The following PTPRM variants were observed in gnomAD, a reference collection of about 807,000 sequenced individuals.
PTPRM encodes protein tyrosine phosphatase receptor type M.
In PTPRM, 47 loss-of-function variants were observed where a neutral mutation model predicts 186.7. The ratio of observed to expected loss-of-function variants is 0.25; its 90% confidence interval spans 0.20 to 0.32. The LOEUF is 0.32. Among genes scored for constraint, PTPRM ranks in the 10% least tolerant of loss-of-function variants. The pLI, the probability that PTPRM is intolerant of heterozygous loss-of-function variation, is 1.00. For synonymous variants in PTPRM, 668 were observed against 674.9 expected (o/e 0.99, Z 0.16); for missense variants, 1,494 against 1,865.0 (o/e 0.80, Z 3.66).
intron 2 of PTPRM, among the ~76,000 whole-genome samples, chr18:7,871,156 C>T (rs1477370524): frequency 2.6e-5 from 4 of 152,196 alleles, no homozygotes; most frequent in Non-Finnish European, 5.9e-5. Flanking sequence ...TGCTGTTCCT[C>T]CTGTGGTTAA....
intron 13 of PTPRM, among the ~76,000 whole-genome samples, chr18:8,119,754 A>G (rs377163268): frequency 2.0e-5 from 3 of 152,254 alleles, no homozygotes; most frequent in East Asian, 3.9e-4. Context: ...TGGCTCAACA[A>G]GCTTCCAGGA....
At chr18:8,356,626 A>G (rs1598419477) in intron 23 of PTPRM, among the ~76,000 whole-genome samples, 1 of 152,206 alleles carries the variant, frequency 6.6e-6, no homozygotes, top group East Asian at 1.9e-4. Flanking sequence ...GGATGCATCA[A>G]GGACATAGGT....
intron 6 of PTPRM, among the ~76,000 whole-genome samples, chr18:7,950,399 T>G (rs754916496): frequency 1.3e-5 from 2 of 152,116 alleles, no homozygotes; most frequent in Non-Finnish European, 2.9e-5. Context: ...AGTGAGACCC[T>G]GTGTCTTAGA....
intron 2 of PTPRM, among the ~76,000 whole-genome samples, chr18:7,835,719 A>C (rs1172916912): frequency 7.3e-6 from 1 of 136,152 alleles, no homozygotes; most frequent in African/African-American, 3.4e-5. Context: ...TTTAGCGCTA[A>C]TAATATTTTC....
intron 5 of PTPRM, among the ~76,000 whole-genome samples, chr18:7,937,591 C>T (rs972770642): frequency 1.3e-5 from 2 of 152,218 alleles, no homozygotes; most frequent in African/African-American, 4.8e-5. Context: ...GAGCAAAACT[C>T]AGGTAAAGGT....
intron 1 of PTPRM, among the ~76,000 whole-genome samples, chr18:7,686,113 C>T (rs2039596674): frequency 6.6e-6 from 1 of 152,148 alleles, no homozygotes; most frequent in African/African-American, 2.4e-5. Flanking sequence ...GAAATAGAAT[C>T]ATGTCTCTGT....
intron 7 of PTPRM, among the ~76,000 whole-genome samples, chr18:8,037,355 G>A (rs2148125797): frequency 6.6e-6 from 1 of 152,200 alleles, no homozygotes; most frequent in East Asian, 1.9e-4. Context: ...AATATTTTCT[G>A]CTTCAGATAA....
rs868078098 is a variant in PTPRM at position 7,876,347 on chromosome 18, T to C, written c.197-11759T>C. On this transcript the variant is annotated intron_variant, in intron 2 of 32. Transcript: ENST00000580170. ...ATCCAAAATTCAGGTCATTTAGATA[T>C]TGTTTGCTCTTTTAAAAACTTTAAA... 1.1e-4 allele frequency among the ~76,000 whole-genome samples: 16 copies of C among 152,368 alleles called. 1 individual carries two copies. The highest frequency in any genetic ancestry group is 6.5e-4 in the Admixed American group (10 of 15,306).
chr18:8,034,343 A>T (rs1414388393), intron 7 of PTPRM, among the ~76,000 whole-genome samples: 1 of 152,112 alleles, frequency 6.6e-6, no homozygotes, highest in Non-Finnish European at 1.5e-5. Flanking sequence ...ATCCCATTTA[A>T]ATATCTTCAA....
At chr18:8,316,126 A>C (rs901143957) in intron 21 of PTPRM, among the ~76,000 whole-genome samples, 1 of 152,174 alleles carries the variant, frequency 6.6e-6, no homozygotes, top group Non-Finnish European at 1.5e-5. Context: ...TGAGTGTCTT[A>C]TCCAGTCCAC....
chr18:8,246,868 T>A (rs2094481785), intron 15 of PTPRM, among the ~76,000 whole-genome samples: 1 of 152,198 alleles, frequency 6.6e-6, no homozygotes, highest in African/African-American at 2.4e-5. Flanking sequence ...TATATTAATA[T>A]GTCATCAGAA....
rs1335256151 is a variant in PTPRM, at chr18:7,568,212, C to T, written c.73+321C>T. 1.3e-5 allele frequency among the ~76,000 whole-genome samples: 2 copies of T among 151,894 alleles called. No individual in the cohort carries two copies. Among genetic ancestry groups the T allele is most frequent in the South Asian group, 4.1e-4 (2 of 4,832 alleles). ...GCGGCTTGCACTCTTGAGTCCCTGG[C>T]CGGCTGCAAAAGGAACAGCAGAAAA... is the stretch of plus-strand genomic sequence containing the variant. On this transcript the variant is annotated intron_variant, in intron 1 of 32. Transcript: ENST00000580170. The surrounding 1 kb of genome is among the most constrained non-coding windows in gnomAD (Gnocchi z 5.1).
At chr18:8,384,484 A>G (rs1455070265) in intron 29 of PTPRM, 77 bp from the exon 30 acceptor site, 6 of 1,528,102 alleles carry the variant, frequency 3.9e-6, no homozygotes, top group Non-Finnish European at 5.4e-6. Flanking sequence ...ACTGAGTGTC[A>G]ATACTAACCT....
chr18:7,904,272 T>C (rs1599402785), intron 3 of PTPRM, among the ~76,000 whole-genome samples: 2 of 152,326 alleles, frequency 1.3e-5, no homozygotes, highest in East Asian at 3.9e-4. Flanking sequence ...TTCTGTACAA[T>C]TGTACAAATA....
chr18:7,862,564 A>G (rs1394998622), intron 2 of PTPRM, among the ~76,000 whole-genome samples: 2 of 152,220 alleles, frequency 1.3e-5, no homozygotes, highest in East Asian at 3.8e-4. Context: ...TCCATTGAAG[A>G]AAGTTTTAAG....
At chr18:8,371,404 T>C (rs1472447968) in intron 24 of PTPRM, among the ~76,000 whole-genome samples, 1 of 152,194 alleles carries the variant, frequency 6.6e-6, no homozygotes, top group African/African-American at 2.4e-5. Context: ...AGGGAGTTAG[T>C]ATCAGTGTTG....
intron 1 of PTPRM, among the ~76,000 whole-genome samples, chr18:7,570,410 G>A (rs939820082): frequency 5.3e-5 from 8 of 152,188 alleles, no homozygotes; most frequent in Admixed American, 3.3e-4. Flanking sequence ...TAAGCTCCCT[G>A]AGGGCAAAGC....
At chr18:7,956,786 T>A (rs1031308194) in intron 7 of PTPRM, among the ~76,000 whole-genome samples, 2 of 152,248 alleles carry the variant, frequency 1.3e-5, no homozygotes, top group African/African-American at 4.8e-5. Flanking sequence ...GTTGTAAAAG[T>A]TTTATCTTAC....
intron 1 of PTPRM, among the ~76,000 whole-genome samples, chr18:7,569,662 A>G (rs2036522370): frequency 6.6e-6 from 1 of 152,258 alleles, no homozygotes; most frequent in Admixed American, 6.5e-5. Context: ...GAGTGGAAAC[A>G]AATATTTATA....
Sources: gnomAD v4.1 joint callset for allele counts (sites outside exome capture counted in the v4.1 genomes callset) on GRCh38, gnomAD v4.1.1 for gene constraint, Gnocchi (gnomAD v3.1) non-coding constraint, MANE v1.5 for transcripts, NCBI Gene and HGNC (gene_info 2026-07-23, HGNC 2026-07-21) for gene names.